RAB10: variants seen among roughly 807,000 people sequenced by gnomAD.
The protein encoded by RAB10 is RAB10, member RAS oncogene family, also known as ras-related protein Rab-10.
In RAB10, 5 loss-of-function variants were observed where a neutral mutation model predicts 25.7. That is an observed-to-expected ratio of 0.19 (90% CI 0.10 to 0.41). RAB10 has a LOEUF of 0.41. Among genes scored for constraint, RAB10 ranks in the 10% least tolerant of loss-of-function variants. The probability of loss-of-function intolerance (pLI) is 1.00; values close to 1 mark genes in which losing one functional copy is unlikely to be tolerated. For missense variants in RAB10, 103 were observed against 245.8 expected (o/e 0.42, Z 3.89); for synonymous variants, 89 against 86.4 (o/e 1.03, Z -0.16).
chr2:26,088,511 TG>T (rs1175619359), intron 1 of RAB10, among the ~76,000 whole-genome samples: 2 of 152,190 alleles, frequency 1.3e-5, no homozygotes, highest in East Asian at 3.9e-4. Flanking sequence ...TTTCAGAGGG[TG>T]GTAGGCTTTT....
In RAB10 at chr2:26,106,369, G is replaced by T. The variant is rs1014334809; in HGVS notation, c.189-3399G>T. Among the ~76,000 whole-genome samples, 12 of 152,148 alleles carry T rather than the reference G, an allele frequency of 7.9e-5. 1 individual carries two copies. Among genetic ancestry groups the T allele is most frequent in the Admixed American group, 6.6e-4 (10 of 15,266 alleles). ...TAACCATAGTAATCTAGGACAGTAT[G>T]GTAATGGAGGAGGCCTAGACACATA... is the stretch of plus-strand genomic sequence containing the variant. On this transcript the variant is annotated intron_variant, in intron 2 of 5. Coordinates refer to ENST00000264710, the MANE Select transcript of RAB10 (RefSeq NM_016131.5).
intron 1 of RAB10, among the ~76,000 whole-genome samples, chr2:26,061,235 G>A (rs1310954134): frequency 1.3e-5 from 2 of 150,966 alleles, no homozygotes; most frequent in Non-Finnish European, 2.9e-5. Flanking sequence ...CCACCTCAGT[G>A]CCCCCAAGTT....
At chr2:26,044,843 G>A (rs1665963437) in intron 1 of RAB10, among the ~76,000 whole-genome samples, 1 of 151,954 alleles carries the variant, frequency 6.6e-6, no homozygotes, top group Non-Finnish European at 1.5e-5. Context: ...ATTGCGCCCC[G>A]CCAGGAGTTT....
At chr2:26,070,497 A>C (rs1426002973) in intron 1 of RAB10, among the ~76,000 whole-genome samples, 1 of 152,212 alleles carries the variant, frequency 6.6e-6, no homozygotes, top group African/African-American at 2.4e-5. Flanking sequence ...AGTTTAAGAA[A>C]AATTTTAGAG....
chr2:26,123,847 A>G (rs763537576), intron 3 of RAB10, among the ~76,000 whole-genome samples: 3 of 152,224 alleles, frequency 2.0e-5, no homozygotes, highest in Non-Finnish European at 4.4e-5. Flanking sequence ...GAAATGAAAA[A>G]GCAAAAAAGA....
At position 26,135,653 on chromosome 2, in the gene RAB10, A is replaced by G. The variant is rs1464767021; in HGVS notation, c.*632A>G. On this transcript the variant is annotated 3_prime_UTR_variant, in exon 6 of 6. Transcript: ENST00000264710. ...TGTGGTTTGCTTGGCTGTAATTTTCAAAGTAGTTAATTGAGGACAAAGGGT... is the reference window on the plus strand; with the variant it reads ...TGTGGTTTGCTTGGCTGTAATTTTCGAAGTAGTTAATTGAGGACAAAGGGT... The G allele has an allele frequency of 6.6e-6, 1 of 152,596 alleles. No homozygotes were observed. Among genetic ancestry groups the G allele is most frequent in the African/African-American group, 2.4e-5 (1 of 41,424 alleles). The allele number at this position is 152,596 out of a possible 1,614,324, so 9.5% of individuals were successfully genotyped here.
intron 1 of RAB10, among the ~76,000 whole-genome samples, chr2:26,044,468 A>G (rs888895925): frequency 6.6e-6 from 1 of 152,162 alleles, no homozygotes; most frequent in Non-Finnish European, 1.5e-5. Context: ...GAACCCTTAA[A>G]TGAATTTTCA....
intron 3 of RAB10, among the ~76,000 whole-genome samples, chr2:26,114,546 A>G (rs1460392268): frequency 1.3e-5 from 2 of 152,138 alleles, no homozygotes; most frequent in Non-Finnish European, 2.9e-5. Context: ...CTTGTGTGGA[A>G]GAATGAAAGT....
intron 1 of RAB10, among the ~76,000 whole-genome samples, chr2:26,063,168 A>G (rs562004305): frequency 9.9e-5 from 15 of 152,182 alleles, no homozygotes; most frequent in Admixed American, 3.3e-4. Context: ...CTAATGGTCA[A>G]TCTATTAGAC....
intron 1 of RAB10, among the ~76,000 whole-genome samples, chr2:26,089,944 A>G (rs1019552885): frequency 2.0e-5 from 3 of 152,156 alleles, no homozygotes; most frequent in Non-Finnish European, 2.9e-5. Flanking sequence ...CTAGATTTCA[A>G]GGCACTGTCT....
intron 3 of RAB10, among the ~76,000 whole-genome samples, chr2:26,126,343 C>T (rs1023373292): frequency 1.3e-5 from 2 of 152,032 alleles, no homozygotes; most frequent in Non-Finnish European, 2.9e-5. Context: ...TTTGGGAGGC[C>T]GATGGGGGTG....
intron 1 of RAB10, among the ~76,000 whole-genome samples, chr2:26,089,847 G>T (rs998562478): frequency 2.6e-5 from 4 of 152,092 alleles, no homozygotes; most frequent in African/African-American, 7.2e-5. Flanking sequence ...GCTAAGCCAA[G>T]TAGTGTACTA....
chr2:26,036,211 T>C (rs1665761158), intron 1 of RAB10, among the ~76,000 whole-genome samples: 1 of 152,198 alleles, frequency 6.6e-6, no homozygotes, highest in Admixed American at 6.5e-5. Context: ...TTTTAGGCAC[T>C]GGGAATAAAT....
chr2:26,125,648 C>T lies in RAB10; in HGVS notation c.328-1496C>T, dbSNP rs1207823802. On this transcript the variant is annotated intron_variant, in intron 3 of 5. Transcript: ENST00000264710. ...AATTTTTTGTAGAGATGAGGTCTCA[C>T]AGTGTTACTCAGGCTAGTCTCGAAC... Among the ~76,000 whole-genome samples, 4 of 151,918 alleles carry T rather than the reference C, an allele frequency of 2.6e-5. No individual in the cohort carries two copies. In the East Asian group the frequency reaches 7.7e-4, roughly 29 times the overall value.
chr2:26,100,445 T>G (rs747500747), intron 2 of RAB10, among the ~76,000 whole-genome samples: 5 of 152,194 alleles, frequency 3.3e-5, no homozygotes, highest in African/African-American at 1.2e-4. Flanking sequence ...AGCCAATAAT[T>G]GCTGTGAAAT....
At chr2:26,072,346 G>A (rs926367364) in intron 1 of RAB10, among the ~76,000 whole-genome samples, 22 of 152,094 alleles carry the variant, frequency 1.4e-4, no homozygotes, top group African/African-American at 5.1e-4. Context: ...AACACGGGAG[G>A]TGGGGGTTGC....
intron 1 of RAB10, among the ~76,000 whole-genome samples, chr2:26,091,025 G>A (rs918343360): frequency 7.9e-5 from 12 of 152,056 alleles, no homozygotes; most frequent in Admixed American, 5.9e-4. Context: ...AGTAGAAAAG[G>A]GTGGGGCTTG....
chr2:26,067,292 A>C (rs566348203), intron 1 of RAB10, among the ~76,000 whole-genome samples: 1 of 152,322 alleles, frequency 6.6e-6, no homozygotes, highest in Admixed American at 6.5e-5. Context: ...GTGCATTGCT[A>C]TCTAAAGGGC....
At chr2:26,089,416 C>G (rs1194886080) in intron 1 of RAB10, among the ~76,000 whole-genome samples, 5 of 92,356 alleles carry the variant, frequency 5.4e-5, no homozygotes, top group Non-Finnish European at 1.1e-4. Flanking sequence ...GAGTGAGACT[C>G]TGTCTCAAAA....
Sources: gnomAD v4.1 joint callset for allele counts (sites outside exome capture counted in the v4.1 genomes callset) on GRCh38, gnomAD v4.1.1 for gene constraint, MANE v1.5 for transcripts, NCBI Gene and HGNC (gene_info 2026-07-23, HGNC 2026-07-21) for gene names.